The following IRGM variants were observed in gnomAD, a reference collection of about 807,000 sequenced individuals.
IRGM encodes the protein immunity-related GTPase family M protein.
For missense variants in IRGM, 288 were observed against 219.9 expected, an observed-to-expected ratio of 1.31 and a Z score of -1.96; for synonymous variants, 98 against 80.6, an observed-to-expected ratio of 1.22 and a Z score of -1.16.
At chr5:150,873,557 T>C (rs1754320220) in intron 1 of IRGM, among the ~76,000 whole-genome samples, 1 of 152,208 alleles carries the variant, frequency 6.6e-6, no homozygotes, top group Admixed American at 6.5e-5. Context: ...TTCAGGGACC[T>C]AAAACATCAT....
At chr5:150,868,351 G>T (rs759259627) in intron 1 of IRGM, among the ~76,000 whole-genome samples, 1 of 152,004 alleles carries the variant, frequency 6.6e-6, no homozygotes, top group Non-Finnish European at 1.5e-5. Context: ...TTATACCAGT[G>T]CCATGCTGTT....
At chr5:150,899,572 A>G (rs1754921980) in intron 3 of IRGM, among the ~76,000 whole-genome samples, 1 of 152,110 alleles carries the variant, frequency 6.6e-6, no homozygotes, top group Non-Finnish European at 1.5e-5. Context: ...AATAGAATGA[A>G]TATACCAATT....
chr5:150,877,714 T>A (rs1341531708), intron 1 of IRGM, among the ~76,000 whole-genome samples: 1 of 152,136 alleles, frequency 6.6e-6, no homozygotes, highest in Non-Finnish European at 1.5e-5. Context: ...TGAGGATAGG[T>A]TGGGTACCAT....
chr5:150,861,642 G>A (rs1250884220), intron 1 of IRGM, among the ~76,000 whole-genome samples: 2 of 152,156 alleles, frequency 1.3e-5, no homozygotes, highest in Non-Finnish European at 2.9e-5. Context: ...GCGATTTTTA[G>A]TCGCAGGTCT....
intron 2 of IRGM, among the ~76,000 whole-genome samples, chr5:150,878,857 T>G (rs1754404810): frequency 6.6e-6 from 1 of 152,044 alleles, no homozygotes; most frequent in South Asian, 2.1e-4. Flanking sequence ...AAGAAAGAAA[T>G]AAGTGGCTGC....
chr5:150,871,511 C>A (rs1191473531), intron 1 of IRGM, among the ~76,000 whole-genome samples: 2 of 152,178 alleles, frequency 1.3e-5, no homozygotes, highest in Admixed American at 6.5e-5. Flanking sequence ...TTCTCTTGCA[C>A]CCTCTGCTGC....
chr5:150,857,976 T>G (rs960015516), intron 1 of IRGM, among the ~76,000 whole-genome samples: 4 of 152,120 alleles, frequency 2.6e-5, no homozygotes, highest in Non-Finnish European at 5.9e-5. Flanking sequence ...TTGCTTTTGG[T>G]GTTTTAAACA....
chr5:150,878,880 C>G (rs1288795069), intron 2 of IRGM, among the ~76,000 whole-genome samples: 3 of 151,938 alleles, frequency 2.0e-5, no homozygotes, highest in Non-Finnish European at 4.4e-5. Flanking sequence ...TGTGGGTATA[C>G]CTGTTGGTTT....
intron 3 of IRGM, among the ~76,000 whole-genome samples, chr5:150,889,065 T>C (rs1754567749): frequency 6.6e-6 from 1 of 152,090 alleles, no homozygotes; most frequent in African/African-American, 2.4e-5. Flanking sequence ...TTGTTTATTG[T>C]GGAGTTTTGT....
chr5:150,872,407 G>A (rs1052495501), intron 1 of IRGM, among the ~76,000 whole-genome samples: 1 of 152,160 alleles, frequency 6.6e-6, no homozygotes. Flanking sequence ...CAGTTGTGAG[G>A]CAAGACAATG....
intron 3 of IRGM, among the ~76,000 whole-genome samples, chr5:150,899,635 A>G (rs1754924130): frequency 6.6e-6 from 1 of 152,262 alleles, no homozygotes; most frequent in Admixed American, 6.5e-5. Flanking sequence ...ACAAAAATGT[A>G]CAGAAAACAT....
chr5:150,863,140 C>T (rs1266530885), intron 1 of IRGM, among the ~76,000 whole-genome samples: 2 of 152,266 alleles, frequency 1.3e-5, no homozygotes, highest in East Asian at 3.9e-4. Context: ...TTGTGTCTGT[C>T]AAATTTAGAA....
intron 1 of IRGM, among the ~76,000 whole-genome samples, chr5:150,855,118 C>T (rs1326410314): frequency 1.3e-5 from 2 of 152,116 alleles, no homozygotes; most frequent in Non-Finnish European, 2.9e-5. Context: ...ACTATGAACA[C>T]AAGTAGGACC....
chr5:150,859,814 CT>C (rs1385911932), intron 1 of IRGM, among the ~76,000 whole-genome samples: 1 of 152,060 alleles, frequency 6.6e-6, no homozygotes, highest in Non-Finnish European at 1.5e-5. Flanking sequence ...TGATTCTTCT[CT>C]CTTTTCTTCT....
chr5:150,862,771 A>G (rs938876184), intron 1 of IRGM, among the ~76,000 whole-genome samples: 1 of 152,190 alleles, frequency 6.6e-6, no homozygotes, highest in Non-Finnish European at 1.5e-5. Flanking sequence ...CTAAACTAAG[A>G]GATACAAGAA....
intron 1 of IRGM, among the ~76,000 whole-genome samples, chr5:150,872,213 G>T (rs1754295109): frequency 6.6e-6 from 1 of 152,228 alleles, no homozygotes; most frequent in South Asian, 2.1e-4. Context: ...CAGCATTCCT[G>T]ATGAAGCTGG....
At chr5:150,899,108 G>T (rs1754904273) in intron 3 of IRGM, among the ~76,000 whole-genome samples, 2 of 151,996 alleles carry the variant, frequency 1.3e-5, no homozygotes, top group South Asian at 4.1e-4. Context: ...TTATAAAGAA[G>T]CCAAGGAGAG....
At chr5:150,858,084 T>C (rs1297479048) in intron 1 of IRGM, among the ~76,000 whole-genome samples, 1 of 152,220 alleles carries the variant, frequency 6.6e-6, no homozygotes, top group Non-Finnish European at 1.5e-5. Context: ...CTTTAGTCCA[T>C]CTTGAATTAA....
chr5:150,851,094 T>G (rs1029006688), downstream of IRGM, among the ~76,000 whole-genome samples: 5 of 152,184 alleles, frequency 3.3e-5, no homozygotes, highest in African/African-American at 1.2e-4. Context: ...AGATCAAATT[T>G]CAGGGCAAGA....
Sources: gnomAD v4.1 joint callset for allele counts (sites outside exome capture counted in the v4.1 genomes callset) on GRCh38, gnomAD v4.1.1 for gene constraint, MANE v1.5 for transcripts, NCBI Gene and HGNC (gene_info 2026-07-23, HGNC 2026-07-21) for gene names.